The following BRAP variants were observed in gnomAD, a reference collection of about 807,000 sequenced individuals.
The protein encoded by BRAP is BRCA1-associated protein.
A neutral mutation model predicts 73.4 loss-of-function variants in BRAP; 42 were observed. The ratio of observed to expected loss-of-function variants is 0.57; its 90% CI spans 0.45 to 0.74. BRAP has a LOEUF of 0.74. Ranked by LOEUF, BRAP falls within the 30% of genes least tolerant of loss-of-function variation. BRAP has a pLI of 0.00. For synonymous variants in BRAP, 255 were observed against 267.4 expected (o/e 0.95, Z 0.45); for missense variants, 593 against 751.4 (o/e 0.79, Z 2.46).
chr12:111,669,829 A>T (rs1452949157), intron 5 of BRAP: 6 of 599,638 alleles, frequency 1.0e-5, no homozygotes, highest in Admixed American at 5.8e-5. Context: ...CCCACCCCAC[A>T]CCCCAATTTC....
intron 2 of BRAP, among the ~76,000 whole-genome samples, chr12:111,682,564 C>T (rs1593001645): frequency 6.7e-6 from 1 of 149,758 alleles, no homozygotes; most frequent in African/African-American, 2.5e-5. Context: ...GGGGAAGGCA[C>T]GACATGTTTA....
intron 2 of BRAP, among the ~76,000 whole-genome samples, chr12:111,682,497 CAAAAAAAAAA>C (rs11366915): frequency 3.1e-4 from 24 of 77,914 alleles, no homozygotes; most frequent in African/African-American, 9.3e-4. Context: ...GAGACTGTCT[CAAAAAAAAAA>C]AAAAAAAAAA....
rs1886016427 is a variant in BRAP, at chr12:111,644,332, A to ATC, written c.1645_1646insGA (p.Leu549ArgfsTer54). On this transcript the variant is annotated frameshift_variant, in exon 12 of 12. Transcript: ENST00000419234. LOFTEE classifies it high-confidence loss of function. ...GATTTCCTGCCGGGTCTCGGCAGGC[A>ATC]GATGGTTGATCTTCTGCTGTGTCTC... 1.2e-6 allele frequency: 2 copies of ATC among 1,613,676 alleles called. No individual in the cohort carries two copies. The highest frequency in any genetic ancestry group is 1.7e-5 in the Admixed American group (1 of 59,894).
chr12:111,682,903 G>A (rs1368662926), intron 2 of BRAP, among the ~76,000 whole-genome samples: 1 of 151,338 alleles, frequency 6.6e-6, no homozygotes, highest in Non-Finnish European at 1.5e-5. Context: ...CAGAGACCCT[G>A]CCTCAAAAAA....
Position 111,683,273 on chromosome 12 carries a change from C to T in BRAP, c.117G>A (p.Thr39=), listed in dbSNP as rs764780095. ...AACAGGCTACAGCTGAGGCTAGTGT[C>T]GTCTTTTTTATCTCCTCATCAGACA... The part of the protein sequence containing the change: ...GEMSDEEIKK[T]TLASAVACLE... Residue 39 remains threonine, a synonymous_variant, in exon 2 of 12, where the codon ACG becomes ACA. Coordinates refer to ENST00000419234, the MANE Select transcript of BRAP (RefSeq NM_006768.5). 9 of 1,612,452 alleles carry T rather than the reference C, an allele frequency of 5.6e-6. No individual in the cohort carries two copies. The highest frequency in any genetic ancestry group is 2.2e-5 in the East Asian group (1 of 44,828).
chr12:111,655,468 G>T, intron 10 of BRAP, 98 bp downstream of exon 10: 1 of 970,116 alleles, frequency 1.0e-6, no homozygotes, highest in Non-Finnish European at 1.6e-6. Context: ...AGGGAAGATG[G>T]TAAGATTCCT....
chr12:111,644,411 CT>C lies in BRAP; in HGVS notation c.1566del (p.Asp523IlefsTer79). The C allele has an allele frequency of 6.2e-7, 1 of 1,614,104 alleles. No homozygotes were observed. Among genetic ancestry groups the C allele is most frequent in the Non-Finnish European group, 8.5e-7 (1 of 1,180,038 alleles). ...ERVLKETCDQKDLQITEIQEQ... is the reference protein window; with the variant it reads ...ERVLKETCDQXDLQITEIQEQ... ...TCCTGGATCTCGGTGATCTGCAGAT[CT>C]TTTTGGTCACAGGTCTCCTTCAGCA... On this transcript the variant is annotated frameshift_variant, in exon 12 of 12. Coordinates refer to ENST00000419234, the MANE Select transcript of BRAP (RefSeq NM_006768.5). LOFTEE classifies it high-confidence loss of function.
intron 6 of BRAP, among the ~76,000 whole-genome samples, chr12:111,663,530 T>C (rs944782640): frequency 6.6e-6 from 1 of 152,192 alleles, no homozygotes; most frequent in Non-Finnish European, 1.5e-5. Context: ...TTTATCCTAT[T>C]TTCCTGATGA....
At chr12:111,683,444 C>T (rs1435271149) in intron 1 of BRAP, 137 bp from the exon 2 acceptor site, 3 of 981,490 alleles carry the variant, frequency 3.1e-6, no homozygotes, top group Non-Finnish European at 4.5e-6. Flanking sequence ...GTATCCATCT[C>T]ACTCAACTCT....
At chr12:111,669,266 G>C (rs1363464011) in intron 5 of BRAP, among the ~76,000 whole-genome samples, 1 of 146,992 alleles carries the variant, frequency 6.8e-6, no homozygotes. Context: ...TTTCGCTCTT[G>C]TTGCCCAGGC....
intron 10 of BRAP, among the ~76,000 whole-genome samples, chr12:111,652,719 C>CT (rs994492953): frequency 2.7e-5 from 4 of 149,754 alleles, no homozygotes; most frequent in East Asian, 2.0e-4. Flanking sequence ...ATCTCTCTCT[C>CT]TTTTTTTTTG....
chr12:111,680,945 T>A (rs1887577512), intron 3 of BRAP, among the ~76,000 whole-genome samples: 2 of 152,328 alleles, frequency 1.3e-5, no homozygotes, highest in South Asian at 4.1e-4. Flanking sequence ...AATAAAATTG[T>A]AATGAGTTAA....
At chr12:111,682,685 G>A (rs982941335) in intron 2 of BRAP, among the ~76,000 whole-genome samples, 6 of 152,094 alleles carry the variant, frequency 3.9e-5, no homozygotes, top group Non-Finnish European at 7.4e-5. Flanking sequence ...GCCGAGGCAG[G>A]TGGATCACTT....
chr12:111,651,550 T>C (rs1886323706), intron 10 of BRAP, among the ~76,000 whole-genome samples: 1 of 149,328 alleles, frequency 6.7e-6, no homozygotes, highest in Admixed American at 6.7e-5. Flanking sequence ...AAAAATACAA[T>C]ACAATACAAT....
chr12:111,679,002 A>G (rs1801578045), intron 4 of BRAP, 149 bp downstream of exon 4: 11 of 542,820 alleles, frequency 2.0e-5, no homozygotes, highest in South Asian at 6.5e-5. Flanking sequence ...TAATGAATTT[A>G]GAAATACATC....
Position 111,650,020 on chromosome 12 carries a change from A to T in BRAP, c.1334T>A (p.Phe445Tyr). ...ATCACACTTCTCAATTGTTTCTTTA[A>T]ACTTGGTCTTCATGTTGTTAATCTG... ...AEEINNMKTK[F>Y]KETIEKCDNL... is the part of the protein sequence containing the mutation. The change falls in exon 11 of 12, where the codon TTT becomes TAT. Residue 445 changes from phenylalanine to tyrosine, a missense_variant. Phe to Tyr is a conservative substitution (Grantham distance 22, BLOSUM62 3). Coordinates refer to ENST00000419234, the MANE Select transcript of BRAP (RefSeq NM_006768.5). 1 of 1,609,448 alleles carries T rather than the reference A, an allele frequency of 6.2e-7. No individual in the cohort carries two copies. Among genetic ancestry groups the T allele is most frequent in the Non-Finnish European group, 8.5e-7 (1 of 1,176,392 alleles).
intron 5 of BRAP, chr12:111,669,881 TA>T: frequency 1.6e-6 from 1 of 645,072 alleles, no homozygotes; most frequent in Non-Finnish European, 2.7e-6. Flanking sequence ...ATTTCCAACA[TA>T]AGATTTTATA....
chr12:111,645,400 C>T (rs1322187782), intron 11 of BRAP, among the ~76,000 whole-genome samples: 1 of 152,108 alleles, frequency 6.6e-6, no homozygotes, highest in Non-Finnish European at 1.5e-5. Flanking sequence ...TTTTTTTAAG[C>T]ATCAGAAAGT....
chr12:111,681,761 T>G lies in BRAP; in HGVS notation c.319A>C (p.Ser107Arg). The G allele has an allele frequency of 6.2e-7, 1 of 1,614,152 alleles. No individual in the cohort carries two copies. Among genetic ancestry groups the G allele is most frequent in the Non-Finnish European group, 8.5e-7 (1 of 1,180,030 alleles). The stretch of plus-strand genomic sequence containing the variant: ...GGGGCAGCGTTTATGCATTCCTTAC[T>G]GTGATCTTTACTTCTTTGCGCAGTG... Reference protein sequence around the residue: ...SPTAQRSKDHSKECINAAPDS... With the variant: ...SPTAQRSKDHRKECINAAPDS... Residue 107 changes from serine to arginine, a missense_variant, in exon 3 of 12, where the codon AGT (serine) becomes CGT (arginine). Ser to Arg is a moderately radical substitution (Grantham distance 110). This residue lies in a region of BRAP where 304 missense variants were observed against 337.7 expected (regional missense o/e 0.90). Transcript: ENST00000419234.
Sources: gnomAD v4.1 joint callset for allele counts (sites outside exome capture counted in the v4.1 genomes callset) on GRCh38, gnomAD v4.1.1 for gene constraint, gnomAD v4.1.1 regional missense constraint, MANE v1.5 for transcripts, NCBI Gene and HGNC (gene_info 2026-07-23, HGNC 2026-07-21) for gene names.